Variants in FILIP1L observed in about 807,000 individuals in gnomAD.
The protein encoded by FILIP1L is filamin A interacting protein 1 like.
In FILIP1L, 55 loss-of-function variants were observed where a neutral mutation model predicts 96.6. The observed-to-expected ratio is 0.57, with a 90% CI of 0.46 to 0.71. The LOEUF (loss-of-function observed/expected upper bound fraction) is 0.71. Ranked by LOEUF, FILIP1L falls within the 30% of genes least tolerant of loss-of-function variation. The pLI is 0.00. For synonymous variants in FILIP1L, 467 were observed against 473.9 expected (o/e 0.99, Z 0.19); for missense variants, 1,304 against 1,321.2 (o/e 0.99, Z 0.20).
At chr3:99,928,364 A>G (rs902082323) in intron 3 of FILIP1L, among the ~76,000 whole-genome samples, 1 of 152,222 alleles carries the variant, frequency 6.6e-6, no homozygotes, top group Non-Finnish European at 1.5e-5. Context: ...AGAGAAATCC[A>G]TAAGGGGGAA....
chr3:100,053,175 C>T (rs1367554346), intron 1 of FILIP1L, among the ~76,000 whole-genome samples: 3 of 152,142 alleles, frequency 2.0e-5, no homozygotes, highest in Non-Finnish European at 4.4e-5. Flanking sequence ...CATAGCAAGC[C>T]TTCTGCCCCA....
chr3:100,086,403 T>C (rs1374264892), intron 1 of FILIP1L, among the ~76,000 whole-genome samples: 1 of 152,070 alleles, frequency 6.6e-6, no homozygotes, highest in Non-Finnish European at 1.5e-5. Context: ...CCCCTCTAGT[T>C]CTAATACCAT....
rs118185811 is a variant in FILIP1L, at chr3:100,053,990, C to G, written c.-11+60063G>C. Among the ~76,000 whole-genome samples, 6 of 152,326 alleles carry G rather than the reference C, an allele frequency of 3.9e-5. No individual in the cohort carries two copies. In the South Asian group the frequency reaches 8.3e-4, roughly 21 times the overall value. Reference sequence around the variant, plus strand: ...ATTCTATACTTTGTTCTTTGTATATCTGGACATTCGGCTTACTTAAAAGTA... The same window carrying G: ...ATTCTATACTTTGTTCTTTGTATATGTGGACATTCGGCTTACTTAAAAGTA... On this transcript the variant is annotated intron_variant, in intron 1 of 5. Transcript: ENST00000477258.
chr3:100,019,961 G>A (rs1559727678), intron 1 of FILIP1L, among the ~76,000 whole-genome samples: 1 of 152,082 alleles, frequency 6.6e-6, no homozygotes, highest in African/African-American at 2.4e-5. Context: ...AAGGAAACTG[G>A]CTTAAAAGCT....
chr3:100,059,948 G>A (rs953459218), intron 1 of FILIP1L, among the ~76,000 whole-genome samples: 4 of 151,724 alleles, frequency 2.6e-5, no homozygotes, highest in Non-Finnish European at 5.9e-5. Flanking sequence ...TCGTTAGTGA[G>A]GTAAATCACA....
intron 1 of FILIP1L, among the ~76,000 whole-genome samples, chr3:99,946,593 G>T (rs541154996): frequency 1.3e-5 from 2 of 152,174 alleles, no homozygotes; most frequent in Admixed American, 6.5e-5. Flanking sequence ...AAAAGCAAAT[G>T]ATGCCATTTT....
At chr3:99,853,586 A>G (rs1344596725) in intron 4 of FILIP1L, among the ~76,000 whole-genome samples, 1 of 152,236 alleles carries the variant, frequency 6.6e-6, no homozygotes, top group South Asian at 2.1e-4. Flanking sequence ...TGGAGTAGGC[A>G]TGATGCATAT....
intron 1 of FILIP1L, among the ~76,000 whole-genome samples, chr3:99,952,227 A>G (rs919473067): frequency 1.3e-5 from 2 of 152,064 alleles, no homozygotes; most frequent in Non-Finnish European, 2.9e-5. Context: ...GAGATCTGAT[A>G]TAGTCTCTGA....
At chr3:99,936,363 T>G (rs1707667619) in intron 1 of FILIP1L, among the ~76,000 whole-genome samples, 1 of 144,274 alleles carries the variant, frequency 6.9e-6, no homozygotes, top group Non-Finnish European at 1.5e-5. Flanking sequence ...AACTGAAGCT[T>G]GAAGCCTTTT....
At chr3:99,977,958 C>T (rs1353319868) in intron 1 of FILIP1L, among the ~76,000 whole-genome samples, 1 of 152,050 alleles carries the variant, frequency 6.6e-6, no homozygotes, top group Non-Finnish European at 1.5e-5. Flanking sequence ...CCAAAATTTC[C>T]ATGAGCAAAT....
At chr3:99,901,008 A>G (rs1441753744) in intron 4 of FILIP1L, among the ~76,000 whole-genome samples, 1 of 152,224 alleles carries the variant, frequency 6.6e-6, no homozygotes, top group Non-Finnish European at 1.5e-5. Flanking sequence ...TTTGCTTCTT[A>G]TTGATAATTA....
At chr3:100,039,337 C>T (rs2065162446) in intron 1 of FILIP1L, among the ~76,000 whole-genome samples, 1 of 152,164 alleles carries the variant, frequency 6.6e-6, no homozygotes, top group Non-Finnish European at 1.5e-5. Flanking sequence ...AGCCAAGACT[C>T]ACCTGCTACA....
At chr3:99,987,240 A>G (rs1709368583) in intron 1 of FILIP1L, among the ~76,000 whole-genome samples, 1 of 150,766 alleles carries the variant, frequency 6.6e-6, no homozygotes, top group South Asian at 2.1e-4. Flanking sequence ...TAAGGGGAAA[A>G]AAAAAAGGCC....
At chr3:99,942,697 T>C (rs1028297702) in intron 1 of FILIP1L, among the ~76,000 whole-genome samples, 8 of 151,808 alleles carry the variant, frequency 5.3e-5, no homozygotes, top group Non-Finnish European at 5.9e-5. Context: ...GGCATGGTGG[T>C]GGATGCCTGT....
In FILIP1L at chr3:99,848,825, T is replaced by A. The variant is rs1199795258; in HGVS notation, c.2851A>T (p.Asn951Tyr). Residue 951 changes from asparagine to tyrosine, a missense_variant, in exon 5 of 6, where the codon AAC (asparagine) becomes TAC (tyrosine). By Grantham distance (143) the Asn-to-Tyr change is moderately radical (BLOSUM62 -2). Coordinates refer to ENST00000477258, the MANE Select transcript of FILIP1L (RefSeq NM_001387850.1). ...TPKQRITILQ[N>Y]ASITPVKSKT... is the part of the protein sequence containing the mutation. The stretch of plus-strand genomic sequence containing the variant: ...GACTTTACTGGTGTTATGGAGGCGT[T>A]TTGGAGGATGGTTATCCTTTGCTTT... The A allele has an allele frequency of 4.3e-6, 7 of 1,613,924 alleles. No homozygotes were observed. The highest frequency in any genetic ancestry group is 5.1e-6 in the Non-Finnish European group (6 of 1,180,004).
intron 1 of FILIP1L, among the ~76,000 whole-genome samples, chr3:100,072,016 G>A (rs148579092): frequency 7.9e-5 from 12 of 152,294 alleles, no homozygotes; most frequent in Non-Finnish European, 1.5e-4. Context: ...AGTTGTCTCC[G>A]TGGCAAAGTA....
chr3:99,958,206 T>C (rs1292087831), intron 1 of FILIP1L, among the ~76,000 whole-genome samples: 3 of 16,414 alleles, frequency 1.8e-4, no homozygotes, highest in Admixed American at 5.2e-4. Flanking sequence ...CTGCATGCAT[T>C]ATTATTATTA....
At chr3:99,847,987 C>A in intron 5 of FILIP1L, 1 of 1,069,230 alleles carries the variant, frequency 9.4e-7, no homozygotes. Context: ...AGACAAGTTG[C>A]AGTCAAATTA....
At chr3:99,876,476 C>T (rs1484839965) in intron 4 of FILIP1L, among the ~76,000 whole-genome samples, 1 of 152,232 alleles carries the variant, frequency 6.6e-6, no homozygotes, top group Non-Finnish European at 1.5e-5. Context: ...TTTTTTCCCT[C>T]TGGGTCCCTA....
Sources: allele counts gnomAD v4.1 joint callset (sites outside exome capture counted in the v4.1 genomes callset), GRCh38; gene constraint gnomAD v4.1.1; transcripts MANE v1.5; gene names NCBI Gene and HGNC (gene_info 2026-07-23, HGNC 2026-07-21).